The following FSTL5 variants were observed in gnomAD, a reference collection of about 807,000 sequenced individuals.
FSTL5 encodes follistatin-related protein 5.
FSTL5 carries 62 observed loss-of-function variants against 89.1 expected under a neutral mutation model. The ratio of observed to expected loss-of-function variants is 0.70; its 90% CI spans 0.57 to 0.86. The LOEUF is 0.86. Ranked by LOEUF, FSTL5 falls within the 40% of genes least tolerant of loss-of-function variation. The pLI is 0.00. For synonymous variants in FSTL5, 383 were observed against 346.2 expected, an observed-to-expected ratio of 1.11 and a Z score of -1.18; for missense variants, 1,057 against 1,001.6, an observed-to-expected ratio of 1.06 and a Z score of -0.75.
intron 6 of FSTL5, among the ~76,000 whole-genome samples, chr4:161,694,667 A>G (rs1469328069): frequency 1.3e-5 from 2 of 151,994 alleles, no homozygotes; most frequent in African/African-American, 4.8e-5. Context: ...TTCCCCATGA[A>G]TGGGCATTAA....
At chr4:161,674,573 C>A (rs765381176) in intron 6 of FSTL5, among the ~76,000 whole-genome samples, 2 of 152,098 alleles carry the variant, frequency 1.3e-5, no homozygotes, top group Admixed American at 6.6e-5. Context: ...AGTATATCAA[C>A]GTATTTTGGA....
chr4:161,828,100 C>T lies in FSTL5; in HGVS notation c.410-52026G>A, dbSNP rs1008895651. Among the ~76,000 whole-genome samples, 3 of 152,160 alleles carry T rather than the reference C, an allele frequency of 2.0e-5. No individual in the cohort carries two copies. The East Asian group carries it at 5.8e-4, about 29-fold the overall frequency. On this transcript the variant is annotated intron_variant, in intron 4 of 15. Coordinates refer to ENST00000306100, the MANE Select transcript of FSTL5 (RefSeq NM_020116.5). ...TGTGAGATAAAGTCAGAAATGGCTT[C>T]CCTGGGGACTGAGAGAGCCCACAGG... is the stretch of plus-strand genomic sequence containing the variant.
At chr4:162,139,504 C>A (rs754203476) in intron 1 of FSTL5, among the ~76,000 whole-genome samples, 24 of 151,754 alleles carry the variant, frequency 1.6e-4, no homozygotes, top group Admixed American at 5.9e-4. Context: ...ATATACACCA[C>A]ATTAGGCGAA....
chr4:162,073,645 C>G (rs1212009561), intron 2 of FSTL5, among the ~76,000 whole-genome samples: 1 of 151,628 alleles, frequency 6.6e-6, no homozygotes, highest in Non-Finnish European at 1.5e-5. Flanking sequence ...ATCTATTGTA[C>G]AGTGATTATA....
rs1299720671 is a variant in FSTL5 at position 161,991,051 on chromosome 4, C to T, written c.160+42574G>A. On this transcript the variant is annotated intron_variant, in intron 3 of 15. Transcript: ENST00000306100. ...TCTCTAGATATGAACCAAATCCCAG[C>T]ACTAATTTCCTAACACTTATTATAC... is the stretch of plus-strand genomic sequence containing the variant. Among the ~76,000 whole-genome samples, 4 of 152,098 alleles carry T rather than the reference C, an allele frequency of 2.6e-5. No homozygotes were observed. In the East Asian group the frequency reaches 7.7e-4, roughly 29 times the overall value.
chr4:161,861,383 C>T (rs185605063), intron 4 of FSTL5, among the ~76,000 whole-genome samples: 1 of 151,646 alleles, frequency 6.6e-6, no homozygotes, highest in African/African-American at 2.4e-5. Flanking sequence ...AATAGCTCCA[C>T]TGCACTCCAG....
intron 9 of FSTL5, among the ~76,000 whole-genome samples, chr4:161,539,700 CCAA>C (rs879676948): frequency 1.3e-4 from 19 of 151,508 alleles, no homozygotes; most frequent in Non-Finnish European, 1.8e-4. Flanking sequence ...TAAATACAAA[CCAA>C]CAACAACAAC....
chr4:161,443,832 G>T (rs1732857702), intron 15 of FSTL5, among the ~76,000 whole-genome samples: 1 of 151,916 alleles, frequency 6.6e-6, no homozygotes, highest in Non-Finnish European at 1.5e-5. Context: ...AAGCAGGAAA[G>T]TATAGGGGCT....
At position 161,455,091 on chromosome 4, in the gene FSTL5, G is replaced by A. The variant is rs369903938; in HGVS notation, c.1754C>T (p.Thr585Met). Residue 585 changes from threonine to methionine, a missense_variant, in exon 15 of 16, where the codon ACG (threonine) becomes ATG (methionine). This residue lies in a region of FSTL5 where 980 missense variants were observed against 903.2 expected (regional missense o/e 1.08). Coordinates refer to ENST00000306100, the MANE Select transcript of FSTL5 (RefSeq NM_020116.5). The stretch of plus-strand genomic sequence containing the variant: ...CTTTCCCACTGGTTGGGTGTGGATC[G>A]TGTGGTGAGGCACATTCCCACTGGC... ...TLASGNVPHH[T>M]IHTQPVGKQF... The A allele has an allele frequency of 2.4e-5, 39 of 1,608,828 alleles. No homozygotes were observed. The highest frequency in any genetic ancestry group is 3.4e-5 in the Admixed American group (2 of 59,462).
At chr4:161,814,529 A>C (rs1043612729) in intron 4 of FSTL5, among the ~76,000 whole-genome samples, 1 of 152,114 alleles carries the variant, frequency 6.6e-6, no homozygotes, top group African/African-American at 2.4e-5. Flanking sequence ...TATTTCTACA[A>C]AACAACTGGA....
intron 15 of FSTL5, among the ~76,000 whole-genome samples, chr4:161,425,516 G>C (rs888148462): frequency 6.6e-6 from 1 of 152,132 alleles, no homozygotes; most frequent in South Asian, 2.1e-4. Flanking sequence ...TGAATGATTC[G>C]TGTATCACAT....
At chr4:162,002,253 C>T (rs1367925979) in intron 3 of FSTL5, among the ~76,000 whole-genome samples, 1 of 152,100 alleles carries the variant, frequency 6.6e-6, no homozygotes, top group African/African-American at 2.4e-5. Context: ...CAAAAAAATT[C>T]AGAGAAAGGG....
chr4:161,511,321 C>T (rs538339594), intron 10 of FSTL5, among the ~76,000 whole-genome samples: 24 of 152,234 alleles, frequency 1.6e-4, no homozygotes, highest in South Asian at 1.4e-3. Context: ...TCCTCACCTA[C>T]GGCTGAAGGC....
chr4:161,894,577 G>A (rs1285757578), intron 4 of FSTL5, among the ~76,000 whole-genome samples: 1 of 152,042 alleles, frequency 6.6e-6, no homozygotes, highest in East Asian at 1.9e-4. Flanking sequence ...CACCTCCCAG[G>A]TTCAAGCGAT....
At chr4:161,593,401 C>A (rs10003076) in intron 7 of FSTL5, among the ~76,000 whole-genome samples, 62,676 of 151,732 alleles carry the variant, frequency 0.41, 13,646 homozygotes, top group East Asian at 0.58. Flanking sequence ...AAACTGATAC[C>A]CACTACGGAT....
chr4:161,897,002 G>A (rs1579176219), intron 4 of FSTL5, among the ~76,000 whole-genome samples: 1 of 151,838 alleles, frequency 6.6e-6, no homozygotes, highest in African/African-American at 2.4e-5. Flanking sequence ...GCACAATCTC[G>A]GCTCACTGCA....
chr4:162,104,573 G>A (rs1483420851), intron 2 of FSTL5, among the ~76,000 whole-genome samples: 1 of 152,152 alleles, frequency 6.6e-6, no homozygotes, highest in African/African-American at 2.4e-5. Context: ...AGGTCTTCTC[G>A]TGTAACATAC....
intron 2 of FSTL5, among the ~76,000 whole-genome samples, chr4:162,068,152 A>G (rs1474542183): frequency 6.6e-6 from 1 of 152,146 alleles, no homozygotes; most frequent in Non-Finnish European, 1.5e-5. Flanking sequence ...ATTCAATGCT[A>G]TTCCCATTAA....
Position 162,013,856 on chromosome 4 carries a change from TA to T in FSTL5, c.160+19768del, listed in dbSNP as rs562385206. 3.2e-3 allele frequency among the ~76,000 whole-genome samples: 487 copies of T among 152,080 alleles called. 2 individuals carry two copies. Among genetic ancestry groups the T allele is most frequent in the African/African-American group, 0.011 (471 of 41,506 alleles). On this transcript the variant is annotated intron_variant, in intron 3 of 15. Transcript: ENST00000306100. ...ATTTGAAAAACTTATCCATAGGCAT[TA>T]AAAAAATATGCCTACAAACCTCAAG...
Sources: gnomAD v4.1 joint callset for allele counts (sites outside exome capture counted in the v4.1 genomes callset) on GRCh38, gnomAD v4.1.1 for gene constraint, gnomAD v4.1.1 regional missense constraint, MANE v1.5 for transcripts, NCBI Gene and HGNC (gene_info 2026-07-23, HGNC 2026-07-21) for gene names.